Variants in TENM3 observed in about 807,000 individuals in gnomAD.
TENM3 encodes the protein teneurin-3.
Under a neutral mutation model 255.1 loss-of-function variants are expected in TENM3, and 63 were observed. The observed-to-expected ratio is 0.25, with a 90% CI of 0.20 to 0.30. The LOEUF (loss-of-function observed/expected upper bound fraction) is 0.30, where lower values mean the gene tolerates loss of function less well. Among genes scored for constraint, TENM3 ranks in the 10% least tolerant of loss-of-function variants. The probability of loss-of-function intolerance (pLI) is 1.00; values close to 1 mark genes in which losing one functional copy is unlikely to be tolerated. For synonymous variants in TENM3, 1,306 were observed against 1,322.3 expected, an observed-to-expected ratio of 0.99 and a Z score of 0.27; for missense variants, 2,929 against 3,461.1, an observed-to-expected ratio of 0.85 and a Z score of 3.86.
chr4:182,409,840 T>A (rs771282822), intron 3 of TENM3, among the ~76,000 whole-genome samples: 9 of 151,676 alleles, frequency 5.9e-5, no homozygotes, highest in Non-Finnish European at 8.8e-5. Context: ...TTTTTTTTTT[T>A]ATTAGACAGG....
chr4:181,814,061 C>G, the TENM3 span, among the ~76,000 whole-genome samples: 1 of 152,128 alleles, frequency 6.6e-6, no homozygotes, highest in African/African-American at 2.4e-5. Context: ...AATGATTACA[C>G]TATCTACGCA....
intron 5 of TENM3, among the ~76,000 whole-genome samples, chr4:182,645,479 A>T (rs1045406181): frequency 1.3e-5 from 2 of 152,184 alleles, no homozygotes; most frequent in Non-Finnish European, 2.9e-5. Flanking sequence ...TAGGCAGGTT[A>T]TGAAGTGGTA....
chr4:182,287,609 T>TTATTTATTTATTTTTA (rs1486764626), intron 1 of TENM3, among the ~76,000 whole-genome samples: 3,976 of 111,914 alleles, frequency 0.036, 176 homozygotes, highest in African/African-American at 0.15. Context: ...TTTTCATTTA[T>TTATTTATTTATTTTTA]TGTTTATTTA....
At chr4:182,645,536 A>T (rs1274117635) in intron 5 of TENM3, among the ~76,000 whole-genome samples, 1 of 152,172 alleles carries the variant, frequency 6.6e-6, no homozygotes. Flanking sequence ...TGTAATTGCA[A>T]CTGGGCCCAA....
intron 6 of TENM3, among the ~76,000 whole-genome samples, chr4:182,667,688 G>T (rs1754818217): frequency 6.6e-6 from 1 of 151,752 alleles, no homozygotes; most frequent in Non-Finnish European, 1.5e-5. Context: ...CCTTATTGCT[G>T]TGTTCTTGGT....
At chr4:181,987,075 A>T in the TENM3 span, among the ~76,000 whole-genome samples, 5 of 152,052 alleles carry the variant, frequency 3.3e-5, no homozygotes, top group African/African-American at 1.2e-4. Flanking sequence ...CCGTCCCAAA[A>T]CAAAACTGAC....
At chr4:181,592,825 G>T in the TENM3 span, among the ~76,000 whole-genome samples, 7 of 152,160 alleles carry the variant, frequency 4.6e-5, no homozygotes, top group African/African-American at 1.4e-4. Flanking sequence ...TTTTCTGAAG[G>T]TTACTTCTGC....
the TENM3 span, among the ~76,000 whole-genome samples, chr4:181,724,298 T>A: frequency 6.6e-6 from 1 of 152,172 alleles, no homozygotes; most frequent in Non-Finnish European, 1.5e-5. Flanking sequence ...TCAATTAGAG[T>A]AAAATCTCAA....
At chr4:182,186,778 T>TATATATA (rs1753183472) in intron 1 of TENM3, among the ~76,000 whole-genome samples, 1 of 85,472 alleles carries the variant, frequency 1.2e-5, no homozygotes, top group Non-Finnish European at 2.5e-5. Context: ...TATATATATA[T>TATATATA]ATATATATAT....
chr4:182,456,848 G>A (rs914208677), intron 3 of TENM3, among the ~76,000 whole-genome samples: 10 of 152,062 alleles, frequency 6.6e-5, no homozygotes, highest in Admixed American at 2.0e-4. Context: ...AAGAAACTCC[G>A]TATTTCTGCT....
chr4:181,499,205 G>A, the TENM3 span, among the ~76,000 whole-genome samples: 1 of 152,164 alleles, frequency 6.6e-6, no homozygotes, highest in African/African-American at 2.4e-5. Context: ...CCCAGGGTGT[G>A]AACCAGATGC....
the TENM3 span, among the ~76,000 whole-genome samples, chr4:181,981,075 T>C: frequency 6.6e-6 from 1 of 152,144 alleles, no homozygotes; most frequent in African/African-American, 2.4e-5. Context: ...GTCACCTTTA[T>C]TCCTCTCCTC....
chr4:181,959,645 T>C, the TENM3 span, among the ~76,000 whole-genome samples: 1 of 152,140 alleles, frequency 6.6e-6, no homozygotes, highest in East Asian at 1.9e-4. Flanking sequence ...GTCTTTTCAC[T>C]TGGGAGGGGG....
At chr4:182,400,243 C>T (rs1769132889) in intron 3 of TENM3, among the ~76,000 whole-genome samples, 1 of 152,026 alleles carries the variant, frequency 6.6e-6, no homozygotes, top group African/African-American at 2.4e-5. Context: ...TATATTTTTC[C>T]TTTTCTTTGG....
chr4:181,746,755 ATT>A, the TENM3 span, among the ~76,000 whole-genome samples: 2 of 142,772 alleles, frequency 1.4e-5, no homozygotes, highest in African/African-American at 5.1e-5. Flanking sequence ...CTAATCAGCT[ATT>A]TTTTTTTTTT....
At chr4:182,371,484 T>C (rs1418471387) in intron 3 of TENM3, among the ~76,000 whole-genome samples, 2 of 152,166 alleles carry the variant, frequency 1.3e-5, no homozygotes, top group African/African-American at 4.8e-5. Context: ...ACCATGATGT[T>C]TCTGAAACCA....
the TENM3 span, among the ~76,000 whole-genome samples, chr4:181,973,993 G>T: frequency 1.3e-5 from 2 of 152,190 alleles, no homozygotes; most frequent in Non-Finnish European, 2.9e-5. Flanking sequence ...CATAATGCCG[G>T]CCTACTCCCT....
At chr4:182,125,875 G>A in the TENM3 span, among the ~76,000 whole-genome samples, 1 of 151,494 alleles carries the variant, frequency 6.6e-6, no homozygotes, top group Non-Finnish European at 1.5e-5. Context: ...AAAATTGCTG[G>A]TAGCAAAATA....
Position 182,298,984 on chromosome 4 carries a change from C to CAAAAAAAAAAA in TENM3, c.-75-24940_-75-24930dup, listed in dbSNP as rs11283401. On this transcript the variant is annotated intron_variant, in intron 1 of 27. Transcript: ENST00000511685. ...TGGGCAACAGAGCAAGACTCCTTCT[C>CAAAAAAAAAAA]AAAAAAAAAAAAAAAAAAAAAAAAA... Among the ~76,000 whole-genome samples, 36 of 25,556 alleles carry CAAAAAAAAAAA rather than the reference C, an allele frequency of 1.4e-3. 6 individuals carry two copies. The highest frequency in any genetic ancestry group is 3.0e-3 in the Admixed American group (4 of 1,316). 16.8% of individuals were successfully genotyped at this position (25,556 alleles called of 152,430 possible). A position where few individuals can be genotyped will look rare whatever the true frequency, so the allele number is the denominator to read the frequency against.
Sources: allele counts gnomAD v4.1 joint callset (sites outside exome capture counted in the v4.1 genomes callset), GRCh38; gene constraint gnomAD v4.1.1; transcripts MANE v1.5; gene names NCBI Gene and HGNC (gene_info 2026-07-23, HGNC 2026-07-21).